Variants in SRGAP1 observed in about 807,000 individuals in gnomAD.
SRGAP1 encodes SLIT-ROBO Rho GTPase activating protein 1.
In SRGAP1, 43 loss-of-function variants were observed where a neutral mutation model predicts 121.9. The observed-to-expected ratio is 0.35, with a 90% CI of 0.28 to 0.46. SRGAP1 has a LOEUF of 0.46. Among genes scored for constraint, SRGAP1 ranks in the 20% least tolerant of loss-of-function variants. The pLI is 1.00. For synonymous variants in SRGAP1, 447 were observed against 485.4 expected (o/e 0.92, Z 1.04); for missense variants, 1,102 against 1,350.9 (o/e 0.82, Z 2.89).
At chr12:63,891,701 A>G (rs575756357) in intron 1 of SRGAP1, among the ~76,000 whole-genome samples, 2 of 152,310 alleles carry the variant, frequency 1.3e-5, no homozygotes, top group East Asian at 3.9e-4. Context: ...GAAAAAAATT[A>G]TGCAGCCAGG....
intron 3 of SRGAP1, 110 bp downstream of exon 3, chr12:63,990,182 A>T: frequency 1.2e-6 from 1 of 833,212 alleles, no homozygotes; most frequent in Non-Finnish European, 1.9e-6. Context: ...TCCTTTAGAG[A>T]CACAGAATAA....
intron 7 of SRGAP1, among the ~76,000 whole-genome samples, chr12:64,064,849 C>T (rs2035509332): frequency 6.6e-6 from 1 of 152,182 alleles, no homozygotes; most frequent in Admixed American, 6.5e-5. Flanking sequence ...GGAGCTCCAT[C>T]GCAGGAACCG....
intron 1 of SRGAP1, among the ~76,000 whole-genome samples, chr12:63,981,678 G>A (rs567652056): frequency 2.0e-5 from 3 of 152,290 alleles, no homozygotes; most frequent in Admixed American, 6.5e-5. Flanking sequence ...TTCAACTCTG[G>A]TGTTCAGCAC....
intron 1 of SRGAP1, among the ~76,000 whole-genome samples, chr12:63,868,176 G>A (rs1419649147): frequency 2.1e-5 from 3 of 146,186 alleles, no homozygotes; most frequent in African/African-American, 5.1e-5. Flanking sequence ...CCGCCTCCTG[G>A]GTTCAAGCCA....
intron 21 of SRGAP1, among the ~76,000 whole-genome samples, chr12:64,129,877 AGTCCCT>A (rs1384447171): frequency 6.6e-6 from 1 of 152,254 alleles, no homozygotes; most frequent in Non-Finnish European, 1.5e-5. Flanking sequence ...TGACAATTAC[AGTCCCT>A]GTTTCCACGT....
At chr12:64,003,449 T>G (rs2033972655) in intron 3 of SRGAP1, among the ~76,000 whole-genome samples, 2 of 137,094 alleles carry the variant, frequency 1.5e-5, no homozygotes, top group African/African-American at 5.5e-5. Context: ...TGAATACTCT[T>G]GAAATGAATG....
chr12:64,062,118 ACT>A (rs1261549302), intron 6 of SRGAP1, among the ~76,000 whole-genome samples: 1 of 152,048 alleles, frequency 6.6e-6, no homozygotes, highest in Non-Finnish European at 1.5e-5. Context: ...TTCCAAAGTG[ACT>A]CTACCATTTT....
intron 1 of SRGAP1, among the ~76,000 whole-genome samples, chr12:63,875,562 T>C (rs564638997): frequency 3.2e-4 from 49 of 152,336 alleles, no homozygotes; most frequent in African/African-American, 1.0e-3. Context: ...TTTAAAGATA[T>C]AGTTTTTGAA....
At chr12:63,869,975 G>A (rs1899792940) in intron 1 of SRGAP1, among the ~76,000 whole-genome samples, 1 of 152,132 alleles carries the variant, frequency 6.6e-6, no homozygotes, top group Non-Finnish European at 1.5e-5. Context: ...TCACATAGCT[G>A]GTAAATGGTG....
At chr12:64,141,930 G>A (rs146450459) in intron 21 of SRGAP1, among the ~76,000 whole-genome samples, 432 of 152,220 alleles carry the variant, frequency 2.8e-3, no homozygotes, top group African/African-American at 9.7e-3. Context: ...GGTCGAGGCC[G>A]TAGTGAGCTG....
intron 1 of SRGAP1, among the ~76,000 whole-genome samples, chr12:63,944,143 G>A (rs182765122): frequency 1.1e-4 from 16 of 152,264 alleles, no homozygotes; most frequent in African/African-American, 3.9e-4. Context: ...TTTCGGGAAG[G>A]TGCTGTCATC....
chr12:64,059,017 T>A (rs1472893225), intron 6 of SRGAP1, among the ~76,000 whole-genome samples: 1 of 152,014 alleles, frequency 6.6e-6, no homozygotes, highest in African/African-American at 2.4e-5. Context: ...AGAAGGAAAT[T>A]TCCTATCAAA....
At chr12:64,106,754 G>A (rs1188143163) in intron 15 of SRGAP1, among the ~76,000 whole-genome samples, 1 of 152,084 alleles carries the variant, frequency 6.6e-6, no homozygotes, top group Non-Finnish European at 1.5e-5. Context: ...AATAAATCAA[G>A]ACCATTGCCT....
rs200628008 is a variant in SRGAP1 at position 64,025,346 on chromosome 12, AG to A, written c.489+8335del. ...AAACATGCCCAAGGCAAGGTTGAAAAGTCATTCCGAGAGCCCAAGATACTTG... is the reference window on the plus strand; with the variant it reads ...AAACATGCCCAAGGCAAGGTTGAAAATCATTCCGAGAGCCCAAGATACTTG... On this transcript the variant is annotated intron_variant, in intron 4 of 21. Coordinates refer to ENST00000355086, the MANE Select transcript of SRGAP1 (RefSeq NM_020762.4). Among the ~76,000 whole-genome samples the A allele has an allele frequency of 3.8e-4, 58 of 152,254 alleles. No homozygotes were observed. In the East Asian group the frequency reaches 5.2e-3, roughly 14 times the overall value.
Position 63,984,102 on chromosome 12 carries a change from A to G in SRGAP1, c.223A>G (p.Met75Val). 1 of 1,527,958 alleles carries G rather than the reference A, an allele frequency of 6.5e-7. No individual in the cohort carries two copies. Among genetic ancestry groups the G allele is most frequent in the South Asian group, 1.3e-5 (1 of 77,894 alleles). The allele number at this position is 1,527,958 out of a possible 1,614,324, so 94.7% of individuals were successfully genotyped here. Residue 75 changes from methionine (M) to valine (V), a missense_variant, in exon 2 of 22, where the codon ATG becomes GTG. Physicochemically the swap from Met to Val is conservative, Grantham distance 21 (BLOSUM62 1). Coordinates refer to ENST00000355086, the MANE Select transcript of SRGAP1 (RefSeq NM_020762.4). ...RNLEKLAERF[M>V]AKTRSTKDHQ... is the part of the protein sequence containing the mutation. ...TCTAGAGAAGTTAGCAGAAAGGTTCATGGCAAAAACAAGAAGCACTAAGGA... is the reference window on the plus strand; with the variant it reads ...TCTAGAGAAGTTAGCAGAAAGGTTCGTGGCAAAAACAAGAAGCACTAAGGA...
Position 64,065,188 on chromosome 12 carries a change from G to A in SRGAP1, c.1094G>A (p.Arg365His), listed in dbSNP as rs530785545. ...CTCAGGTACCAACAGTTGCAGTCCC[G>A]CCTTGCCACGCTCAAAATCGAGAAT... is the stretch of plus-strand genomic sequence containing the variant. ...LMLRYQQLQS[R>H]LATLKIENEE... Residue 365 changes from arginine (R) to histidine (H), a missense_variant, in exon 8 of 22, where the codon CGC (arginine) becomes CAC (histidine). Physicochemically the swap from Arg to His is conservative, Grantham distance 29 (BLOSUM62 0). This residue lies in a region of SRGAP1 where 747 missense variants were observed against 929.4 expected (regional missense o/e 0.80). Transcript: ENST00000355086. The A allele has an allele frequency of 1.9e-6, 3 of 1,613,358 alleles. No homozygotes were observed. Among genetic ancestry groups the A allele is most frequent in the East Asian group, 4.5e-5 (2 of 44,772 alleles).
chr12:64,129,808 T>C (rs946694396), intron 21 of SRGAP1, among the ~76,000 whole-genome samples: 12 of 152,214 alleles, frequency 7.9e-5, no homozygotes, highest in Non-Finnish European at 1.8e-4. Flanking sequence ...TGAAGATATT[T>C]TCCTAGTACA....
chr12:64,104,265 A>C (rs2036304295), intron 15 of SRGAP1, among the ~76,000 whole-genome samples: 1 of 152,140 alleles, frequency 6.6e-6, no homozygotes, highest in Non-Finnish European at 1.5e-5. Flanking sequence ...TAACATGAGA[A>C]TCTTGCATTG....
intron 6 of SRGAP1, among the ~76,000 whole-genome samples, chr12:64,054,884 C>T (rs1367701285): frequency 9.2e-6 from 1 of 108,494 alleles, no homozygotes; most frequent in South Asian, 4.0e-4. Flanking sequence ...CTATCCCTCC[C>T]CCCTCCCCCC....
Sources: gnomAD v4.1 joint callset for allele counts (sites outside exome capture counted in the v4.1 genomes callset) on GRCh38, gnomAD v4.1.1 for gene constraint, gnomAD v4.1.1 regional missense constraint, MANE v1.5 for transcripts, NCBI Gene and HGNC (gene_info 2026-07-23, HGNC 2026-07-21) for gene names.